The following ZNF44 variants were observed in gnomAD, a reference collection of about 807,000 sequenced individuals.
The protein encoded by ZNF44 is zinc finger protein 44, also known as gonadotropin inducible transcription repressor-2.
A neutral mutation model predicts 11.7 loss-of-function variants in ZNF44; 9 were observed. That is an observed-to-expected ratio of 0.77 (90% CI 0.46 to 1.35). ZNF44 has a LOEUF of 1.35. Ranked by LOEUF, ZNF44 falls within the 40% of genes most tolerant of loss-of-function variation. ZNF44 has a pLI of 0.00. For missense variants in ZNF44, 696 were observed against 743.1 expected, an observed-to-expected ratio of 0.94 and a Z score of 0.74; for synonymous variants, 224 against 242.7, an observed-to-expected ratio of 0.92 and a Z score of 0.72.
chr19:12,252,006 G>A (rs1457730442), intron 5 of ZNF44, among the ~76,000 whole-genome samples: 1 of 148,176 alleles, frequency 6.7e-6, no homozygotes, highest in Admixed American at 6.8e-5. Flanking sequence ...AGCCTAGATC[G>A]CACCATTGCA....
chr19:12,259,018 G>A (rs1050387191), intron 5 of ZNF44, among the ~76,000 whole-genome samples: 1 of 151,914 alleles, frequency 6.6e-6, no homozygotes, highest in African/African-American at 2.4e-5. Context: ...AGGACTACAG[G>A]TGCGTGCCAC....
chr19:12,285,020 C>T, intron 1 of ZNF44: 1 of 706,626 alleles, frequency 1.4e-6, no homozygotes, highest in Non-Finnish European at 2.5e-6. Context: ...TCGCCAAGGC[C>T]ACCTTTGATG....
downstream of ZNF44, among the ~76,000 whole-genome samples, chr19:12,225,465 G>T (rs143108277): frequency 9.2e-5 from 14 of 152,166 alleles, no homozygotes; most frequent in African/African-American, 3.4e-4. Flanking sequence ...TTTTTACTAG[G>T]TCTGATTGGC....
At position 12,272,543 on chromosome 19, in the gene ZNF44, C is replaced by T. The variant is rs768421455; in HGVS notation, c.1712G>A (p.Arg571His). The T allele has an allele frequency of 1.9e-5, 31 of 1,609,942 alleles. No individual in the cohort carries two copies. Among genetic ancestry groups the T allele is most frequent in the East Asian group, 9.0e-5 (4 of 44,578 alleles). Reference protein sequence around the residue: ...ECKHCGKAFSRSSFCREHERT... With the variant: ...ECKHCGKAFSHSSFCREHERT... ...TTCATGTTCTCGACAGAAACTGGAA[C>T]GACTGAAGGCTTTACCACAGTGTTT... The change falls in exon 4 of 4, where the codon CGT becomes CAT. Residue 571 changes from arginine to histidine, a missense_variant. Coordinates refer to ENST00000355684, the MANE Select transcript of ZNF44 (RefSeq NM_016264.4).
intron 5 of ZNF44, among the ~76,000 whole-genome samples, chr19:12,264,396 C>T (rs1027481481): frequency 6.6e-6 from 1 of 152,214 alleles, no homozygotes; most frequent in African/African-American, 2.4e-5. Flanking sequence ...CTTCTAGTCA[C>T]TGCCTCAGGC....
intron 1 of ZNF44, among the ~76,000 whole-genome samples, chr19:12,277,169 T>G (rs897403980): frequency 2.0e-5 from 3 of 152,234 alleles, no homozygotes; most frequent in African/African-American, 7.2e-5. Context: ...TTGTTGTTGT[T>G]GTTTTTTCAA....
At chr19:12,251,557 G>A (rs1159601350) in intron 5 of ZNF44, among the ~76,000 whole-genome samples, 1 of 151,986 alleles carries the variant, frequency 6.6e-6, no homozygotes, top group Non-Finnish European at 1.5e-5. Context: ...TAAGTTACTG[G>A]GAAGTTAGAG....
At chr19:12,268,180 AC>A (rs199959490), downstream of ZNF44, among the ~76,000 whole-genome samples, 160 of 132,004 alleles carry the variant, frequency 1.2e-3, no homozygotes, top group Non-Finnish European at 2.0e-3. Flanking sequence ...ACACACACAC[AC>A]AAGCTCCTTC....
At chr19:12,249,774 A>C (rs1363250352) in intron 7 of ZNF44, among the ~76,000 whole-genome samples, 1 of 151,266 alleles carries the variant, frequency 6.6e-6, no homozygotes. Context: ...CTGGTCTTGA[A>C]CTCCCGACCT....
At chr19:12,276,731 G>C (rs1193421260) in intron 1 of ZNF44, among the ~76,000 whole-genome samples, 4 of 152,134 alleles carry the variant, frequency 2.6e-5, no homozygotes, top group African/African-American at 9.7e-5. Context: ...AGTAATCAAA[G>C]GTAGTGGTTT....
chr19:12,251,352 G>T (rs1181469924), intron 5 of ZNF44, among the ~76,000 whole-genome samples: 1 of 150,856 alleles, frequency 6.6e-6, no homozygotes, highest in Non-Finnish European at 1.5e-5. Context: ...AAATTAGCTG[G>T]GTGTAGTGGT....
At chr19:12,262,490 T>C (rs758252948) in intron 5 of ZNF44, among the ~76,000 whole-genome samples, 3 of 152,102 alleles carry the variant, frequency 2.0e-5, no homozygotes, top group East Asian at 1.9e-4. Context: ...AGGATGGTTT[T>C]GATCTCCTGA....
chr19:12,261,008 C>T (rs182682172), intron 5 of ZNF44, among the ~76,000 whole-genome samples: 86 of 152,312 alleles, frequency 5.6e-4, no homozygotes, highest in African/African-American at 2.0e-3. Flanking sequence ...GTCTCACACA[C>T]ACTGAGAGGG....
At chr19:12,279,945 G>A (rs1476331137) in intron 1 of ZNF44, among the ~76,000 whole-genome samples, 3 of 150,184 alleles carry the variant, frequency 2.0e-5, no homozygotes, top group Non-Finnish European at 3.0e-5. Flanking sequence ...GTGTGTGTGT[G>A]TATACACACA....
intron 3 of ZNF44, among the ~76,000 whole-genome samples, chr19:12,228,178 A>AC: frequency 9.4e-6 from 1 of 105,852 alleles, no homozygotes; most frequent in African/African-American, 4.6e-5. Flanking sequence ...GTTTAACTTA[A>AC]CTTTTTTAAA....
intron 5 of ZNF44, among the ~76,000 whole-genome samples, chr19:12,257,459 G>A (rs1917305503): frequency 6.6e-6 from 1 of 151,912 alleles, no homozygotes; most frequent in South Asian, 2.1e-4. Flanking sequence ...AGACCAGCCT[G>A]GCCAACATGG....
intron 2 of ZNF44, among the ~76,000 whole-genome samples, chr19:12,231,419 C>T (rs1371644476): frequency 2.0e-5 from 3 of 152,306 alleles, no homozygotes; most frequent in East Asian, 1.9e-4. Flanking sequence ...AGCTTGCCAA[C>T]GCTCCTACCC....
chr19:12,252,840 A>C (rs1427653138), intron 5 of ZNF44, among the ~76,000 whole-genome samples: 1 of 151,702 alleles, frequency 6.6e-6, no homozygotes, highest in Non-Finnish European at 1.5e-5. Context: ...TATGTAATCT[A>C]CAAGTAAACT....
intron 7 of ZNF44, chr19:12,249,832 A>G (rs10411611): frequency 0.3 from 158,257 of 524,766 alleles, 28,849 homozygotes; most frequent in African/African-American, 0.71. Flanking sequence ...GATTACAGGC[A>G]TGAGCCACTG....
Sources: allele counts gnomAD v4.1 joint callset (sites outside exome capture counted in the v4.1 genomes callset), GRCh38; gene constraint gnomAD v4.1.1; transcripts MANE v1.5; gene names NCBI Gene and HGNC (gene_info 2026-07-23, HGNC 2026-07-21).